The following ATR variants were observed in gnomAD, a reference collection of about 807,000 sequenced individuals.
ATR encodes ATR checkpoint kinase.
ATR carries 142 observed loss-of-function variants against 305.3 expected under a neutral mutation model. The ratio of observed to expected loss-of-function variants is 0.47; its 90% CI spans 0.41 to 0.53. ATR has a LOEUF of 0.53. Ranked by LOEUF, ATR falls within the 20% of genes least tolerant of loss-of-function variation. ATR has a pLI of 0.00. For synonymous variants in ATR, 1,050 were observed against 1,068.1 expected, an observed-to-expected ratio of 0.98 and a Z score of 0.33; for missense variants, 2,135 against 3,133.1, an observed-to-expected ratio of 0.68 and a Z score of 7.60.
intron 21 of ATR, among the ~76,000 whole-genome samples, chr3:142,526,444 AGAT>A (rs2033391593): frequency 6.6e-6 from 1 of 152,050 alleles, no homozygotes; most frequent in African/African-American, 2.4e-5. Flanking sequence ...TAAATAGTGC[AGAT>A]AATAGGAAAC....
intron 36 of ATR, among the ~76,000 whole-genome samples, chr3:142,484,124 C>T (rs2030742514): frequency 6.6e-6 from 1 of 152,148 alleles, no homozygotes; most frequent in African/African-American, 2.4e-5. Context: ...CTATGAGCTT[C>T]TCCTGTCCTT....
At chr3:142,472,609 T>A (rs2071314309) in intron 36 of ATR, among the ~76,000 whole-genome samples, 1 of 152,158 alleles carries the variant, frequency 6.6e-6, no homozygotes, top group African/African-American at 2.4e-5. Context: ...CCATTTTTTT[T>A]AATTGGGTAA....
chr3:142,542,812 T>A (rs2034103339), intron 16 of ATR, 55 bp from the exon 17 acceptor site: 2 of 1,368,344 alleles, frequency 1.5e-6, no homozygotes, highest in African/African-American at 2.9e-5. Context: ...ATTTCTTAAG[T>A]TGACATTTTA....
At chr3:142,538,269 C>A (rs2033926955) in intron 19 of ATR, among the ~76,000 whole-genome samples, 1 of 152,074 alleles carries the variant, frequency 6.6e-6, no homozygotes, top group Admixed American at 6.6e-5. Flanking sequence ...AACTGGTGAC[C>A]TATTAGTGAG....
chr3:142,472,700 T>C (rs2071318025), intron 36 of ATR, among the ~76,000 whole-genome samples: 2 of 152,086 alleles, frequency 1.3e-5, no homozygotes, highest in Non-Finnish European at 2.9e-5. Flanking sequence ...TGCAGTGATA[T>C]GATCCTGGCT....
In ATR at chr3:142,503,311, A is replaced by G. The variant is rs758016360; in HGVS notation, c.5288+51T>C. On this transcript the variant is annotated intron_variant, in intron 30 of 46. Transcript: ENST00000350721. ...AAATTACCCAATTCACTAACTAAAA[A>G]TTCTCCATTCAGATGCAATAACAAA... is the stretch of plus-strand genomic sequence containing the variant. 23 of 1,309,148 alleles carry G rather than the reference A, an allele frequency of 1.8e-5. No individual in the cohort carries two copies. The South Asian group carries it at 2.7e-4, about 15-fold the overall frequency. 81.1% of individuals were successfully genotyped at this position (1,309,148 alleles called of 1,614,324 possible).
chr3:142,485,347 G>A (rs2108312148), intron 35 of ATR, 65 bp from the exon 36 acceptor site: 1 of 1,569,376 alleles, frequency 6.4e-7, no homozygotes, highest in Non-Finnish European at 8.7e-7. Flanking sequence ...AGTAAAATAT[G>A]AATAGATGAT....
chr3:142,561,504 T>C (rs1352390169), intron 4 of ATR, 83 bp from the exon 5 acceptor site: 1 of 1,400,632 alleles, frequency 7.1e-7, no homozygotes, highest in East Asian at 2.5e-5. Context: ...ATGTATTAGA[T>C]GTTAGGTGTT....
intron 38 of ATR, among the ~76,000 whole-genome samples, chr3:142,468,758 A>G (rs1174855051): frequency 6.6e-6 from 1 of 152,108 alleles, no homozygotes; most frequent in African/African-American, 2.4e-5. Context: ...GGGAGGCCAA[A>G]GCAGAAAGAT....
At chr3:142,507,794 A>G (rs777427865) in intron 28 of ATR, 137 bp downstream of exon 28, 16 of 805,436 alleles carry the variant, frequency 2.0e-5, no homozygotes, top group Non-Finnish European at 2.9e-5. Context: ...ATTATACCAA[A>G]TTGATGTTTA....
intron 34 of ATR, among the ~76,000 whole-genome samples, chr3:142,495,995 C>T (rs2031566806): frequency 6.6e-6 from 1 of 151,536 alleles, no homozygotes; most frequent in Non-Finnish European, 1.5e-5. Flanking sequence ...TTCATTTAAC[C>T]AACATTTACT....
Position 142,555,692 on chromosome 3 carries a change from C to T in ATR, c.2341+185G>A, listed in dbSNP as rs7641914. Among the ~76,000 whole-genome samples the T allele has an allele frequency of 0.41, 62,718 of 151,968 alleles. 12,991 individuals carry two copies. The highest frequency in any genetic ancestry group is 0.48 in the African/African-American group (19,820 of 41,446). On this transcript the variant is annotated intron_variant, in intron 10 of 46. Transcript: ENST00000350721. ...TTCGAAAAATCCCAAAATCACCTCTCCTACCAGTTTTGTGATGCGATCTAA... is the reference window on the plus strand; with the variant it reads ...TTCGAAAAATCCCAAAATCACCTCTTCTACCAGTTTTGTGATGCGATCTAA...
At chr3:142,533,866 G>C in intron 21 of ATR, among the ~76,000 whole-genome samples, 1 of 152,158 alleles carries the variant, frequency 6.6e-6, no homozygotes, top group East Asian at 1.9e-4. Flanking sequence ...AATCCTGTAA[G>C]GAAGTTGCCA....
rs1305145576 is a variant in ATR, at chr3:142,458,940, G to A, written c.7503+18C>T. 6.2e-7 allele frequency: 1 copy of A among 1,611,946 alleles called. No individual in the cohort carries two copies. Among genetic ancestry groups the A allele is most frequent in the Non-Finnish European group, 8.5e-7 (1 of 1,178,200 alleles). ...TTGAGAGAAAACACAATTAGTAAGA[G>A]TAACTCATATCACATACCTTATTGA... is the stretch of plus-strand genomic sequence containing the variant. On this transcript the variant is annotated intron_variant, in intron 44 of 46. Transcript: ENST00000350721.
At chr3:142,509,228 A>C (rs898511505) in intron 27 of ATR, among the ~76,000 whole-genome samples, 1 of 152,148 alleles carries the variant, frequency 6.6e-6, no homozygotes, top group Non-Finnish European at 1.5e-5. Flanking sequence ...GTGCAGTGGC[A>C]AGATCATAGC....
At chr3:142,541,110 G>A in intron 17 of ATR, 76 bp from the exon 18 acceptor site, 2 of 1,535,750 alleles carry the variant, frequency 1.3e-6, no homozygotes, top group East Asian at 2.3e-5. Context: ...AAGGACAAGT[G>A]CTTCCCACCC....
rs141358976 is a variant in ATR at position 142,533,014 on chromosome 3, T to A, written c.3945+2066A>T. Among the ~76,000 whole-genome samples the A allele has an allele frequency of 3.3e-3, 506 of 152,150 alleles. 1 individual carries two copies. Among genetic ancestry groups the A allele is most frequent in the African/African-American group, 0.011 (460 of 41,510 alleles). ...CCACATGTGGCTATTTAAATTTAAA[T>A]TAGGCCAGGTAGAGTGGCTCACACC... On this transcript the variant is annotated intron_variant, in intron 21 of 46. Transcript: ENST00000350721.
At chr3:142,530,898 A>G (rs1214611593) in intron 21 of ATR, among the ~76,000 whole-genome samples, 2 of 152,130 alleles carry the variant, frequency 1.3e-5, no homozygotes, top group African/African-American at 4.8e-5. Context: ...GTAATGTTGC[A>G]CTTAAGAGTA....
At position 142,560,954 on chromosome 3, in the gene ATR, T is replaced by C. The variant is rs6440089; in HGVS notation, c.1349+289A>G. Reference sequence around the variant, plus strand: ...CACTTTATAAAAAATAGTTGGTTAATGTTTTAAAAATTGCTAATAGATGCA... The same window carrying C: ...CACTTTATAAAAAATAGTTGGTTAACGTTTTAAAAATTGCTAATAGATGCA... On this transcript the variant is annotated intron_variant, in intron 5 of 46. Coordinates refer to ENST00000350721, the MANE Select transcript of ATR (RefSeq NM_001184.4). Among the ~76,000 whole-genome samples the C allele has an allele frequency of 0.63, 95,667 of 152,110 alleles. 31,127 individuals carry two copies. Among genetic ancestry groups the C allele is most frequent in the African/African-American group, 0.8 (33,316 of 41,496 alleles).
Sources: gnomAD v4.1 joint callset for allele counts (sites outside exome capture counted in the v4.1 genomes callset) on GRCh38, gnomAD v4.1.1 for gene constraint, MANE v1.5 for transcripts, NCBI Gene and HGNC (gene_info 2026-07-23, HGNC 2026-07-21) for gene names.